The following DPP6 variants were observed in gnomAD, a reference collection of about 807,000 sequenced individuals.
DPP6 encodes A-type potassium channel modulatory protein DPP6.
Under a neutral mutation model 122.6 loss-of-function variants are expected in DPP6, and 69 were observed. The observed-to-expected ratio is 0.56, with a 90% CI of 0.46 to 0.69. The LOEUF is 0.69. Among genes scored for constraint, DPP6 ranks in the 30% least tolerant of loss-of-function variants. The probability of loss-of-function intolerance (pLI) is 0.00; values close to 1 mark genes in which losing one functional copy is unlikely to be tolerated. For synonymous variants in DPP6, 418 were observed against 433.1 expected (o/e 0.97, Z 0.43); for missense variants, 928 against 1,116.9 (o/e 0.83, Z 2.41).
the DPP6 span, among the ~76,000 whole-genome samples, chr7:153,799,455 G>C: frequency 6.6e-6 from 1 of 152,120 alleles, no homozygotes; most frequent in Non-Finnish European, 1.5e-5. Flanking sequence ...TGTGCTGGCA[G>C]TGGATTCCAG....
At chr7:154,837,220 A>G (rs1288490719) in intron 16 of DPP6, among the ~76,000 whole-genome samples, 2 of 151,238 alleles carry the variant, frequency 1.3e-5, no homozygotes, top group African/African-American at 4.9e-5. Context: ...ATGCACACAC[A>G]TGCACACACA....
At chr7:154,313,751 A>ACACACACACAC (rs147976247) in intron 1 of DPP6, among the ~76,000 whole-genome samples, 1 of 45,262 alleles carries the variant, frequency 2.2e-5, no homozygotes, top group Non-Finnish European at 5.3e-5. Context: ...ACACACACAC[A>ACACACACACAC]CCCTTACATA....
In DPP6 at chr7:154,877,407, A is replaced by T. The variant is rs946785013; in HGVS notation, c.2078+1307A>T. On this transcript the variant is annotated intron_variant, in intron 20 of 25. Coordinates refer to ENST00000377770, the MANE Select transcript of DPP6 (RefSeq NM_130797.4). This position sits in a 1 kb window ranked among gnomAD's most constrained non-coding sequence, Gnocchi z 5.2. The stretch of plus-strand genomic sequence containing the variant: ...ACTACAACAACACATGTGTGCGTGC[A>T]CACACACACACACACACACACACAC... Among the ~76,000 whole-genome samples, 16 of 52,752 alleles carry T rather than the reference A, an allele frequency of 3.0e-4. No individual in the cohort carries two copies. Among genetic ancestry groups the T allele is most frequent in the Non-Finnish European group, 5.8e-4 (14 of 24,322 alleles). 34.6% of individuals were successfully genotyped at this position (52,752 alleles called of 152,430 possible).
intron 2 of DPP6, among the ~76,000 whole-genome samples, chr7:154,451,532 C>T (rs191232035): frequency 9.3e-4 from 141 of 152,216 alleles, no homozygotes; most frequent in African/African-American, 3.1e-3. Flanking sequence ...CAGGGAGTGG[C>T]GGCAGGCCTC....
intron 3 of DPP6, among the ~76,000 whole-genome samples, chr7:154,500,655 G>A (rs1237715132): frequency 2.0e-5 from 3 of 152,192 alleles, no homozygotes; most frequent in Non-Finnish European, 2.9e-5. Context: ...CACCAGGATT[G>A]TGAGGCCTCC....
intron 1 of DPP6, among the ~76,000 whole-genome samples, chr7:154,382,546 G>A (rs1370103910): frequency 6.6e-6 from 1 of 152,200 alleles, no homozygotes; most frequent in Non-Finnish European, 1.5e-5. Flanking sequence ...CCATGGGATG[G>A]TAACAATAAA....
chr7:154,437,711 G>C (rs184306779), intron 1 of DPP6, among the ~76,000 whole-genome samples: 4 of 152,274 alleles, frequency 2.6e-5, no homozygotes, highest in South Asian at 4.1e-4. Context: ...TGAGGTGGGC[G>C]GATCCCTTGA....
At chr7:153,964,021 A>G (rs1171504552) in intron 1 of DPP6, among the ~76,000 whole-genome samples, 1 of 152,078 alleles carries the variant, frequency 6.6e-6, no homozygotes, top group Non-Finnish European at 1.5e-5. Flanking sequence ...TATGAGATGG[A>G]GTCTCACTCT....
rs1244891903 is a variant in DPP6 at position 154,723,468 on chromosome 7, T to TTA, written c.763-4299_763-4298insTA. On this transcript the variant is annotated intron_variant, in intron 7 of 25. Transcript: ENST00000377770. ...TGTAGGCTTACAACACATTTATTTTTAAAAAAAAAAAAAGCTAAAACTTAG... is the reference window on the plus strand; with the variant it reads ...TGTAGGCTTACAACACATTTATTTTTTAAAAAAAAAAAAAAGCTAAAACTTAG... Among the ~76,000 whole-genome samples the TTA allele has an allele frequency of 3.4e-3, 500 of 149,196 alleles. 7 individuals carry two copies. Among genetic ancestry groups the TTA allele is most frequent in the Non-Finnish European group, 1.7e-3 (115 of 67,318 alleles).
chr7:154,797,487 T>A (rs545040772), intron 12 of DPP6, among the ~76,000 whole-genome samples: 1 of 152,276 alleles, frequency 6.6e-6, no homozygotes, highest in Non-Finnish European at 1.5e-5. Context: ...TGATGGACAT[T>A]TGGGTTCTGT....
chr7:153,924,848 G>A (rs1408372896), intron 1 of DPP6, among the ~76,000 whole-genome samples: 5 of 152,212 alleles, frequency 3.3e-5, no homozygotes, highest in African/African-American at 9.6e-5. Context: ...TCAGGGGGTA[G>A]CAGGGGTCCA....
chr7:154,806,301 A>G (rs1348827217), intron 15 of DPP6, among the ~76,000 whole-genome samples: 2 of 152,180 alleles, frequency 1.3e-5, no homozygotes, highest in East Asian at 3.9e-4. Flanking sequence ...AAATGTTCAG[A>G]TAAGAACTTC....
chr7:154,185,664 C>T (rs1301522624), intron 1 of DPP6, among the ~76,000 whole-genome samples: 1 of 152,122 alleles, frequency 6.6e-6, no homozygotes. Context: ...GTGAGCGCAT[C>T]TAATAGATTT....
At chr7:154,189,543 C>G (rs1798512540) in intron 1 of DPP6, among the ~76,000 whole-genome samples, 1 of 152,144 alleles carries the variant, frequency 6.6e-6, no homozygotes, top group South Asian at 2.1e-4. Flanking sequence ...AACTCAGTCT[C>G]TATGAAGTAG....
chr7:154,802,508 T>C (rs778043902), intron 13 of DPP6, among the ~76,000 whole-genome samples: 3 of 152,204 alleles, frequency 2.0e-5, no homozygotes, highest in African/African-American at 2.4e-5. Flanking sequence ...TTTCCTGCGG[T>C]CTTCATTCTA....
chr7:154,391,801 A>T (rs1814644849), intron 1 of DPP6, among the ~76,000 whole-genome samples: 1 of 152,174 alleles, frequency 6.6e-6, no homozygotes, highest in Non-Finnish European at 1.5e-5. Context: ...TGGGTAAAAC[A>T]CAATGTTTAG....
chr7:154,668,252 G>T (rs192150631), intron 6 of DPP6, among the ~76,000 whole-genome samples: 59 of 57,654 alleles, frequency 1.0e-3, no homozygotes, highest in Non-Finnish European at 2.1e-3. Context: ...ACAGAGTTTC[G>T]CTCTGTCACC....
At chr7:154,356,009 T>C (rs1384170742) in intron 1 of DPP6, among the ~76,000 whole-genome samples, 1 of 152,244 alleles carries the variant, frequency 6.6e-6, no homozygotes, top group Non-Finnish European at 1.5e-5. Context: ...TTAATTTCTC[T>C]TAACCTCATT....
At chr7:153,748,943 C>G in the DPP6 span, among the ~76,000 whole-genome samples, 6 of 151,824 alleles carry the variant, frequency 4.0e-5, no homozygotes, top group African/African-American at 7.2e-5. Flanking sequence ...TCAACTTCCT[C>G]TGGACATGAA....
Sources: gnomAD v4.1 joint callset for allele counts (sites outside exome capture counted in the v4.1 genomes callset) on GRCh38, gnomAD v4.1.1 for gene constraint, Gnocchi (gnomAD v3.1) non-coding constraint, MANE v1.5 for transcripts, NCBI Gene and HGNC (gene_info 2026-07-23, HGNC 2026-07-21) for gene names.